Variants in RPRD1B observed in about 807,000 individuals in gnomAD.
RPRD1B encodes the protein regulation of nuclear pre-mRNA domain-containing protein 1B.
In RPRD1B, 11 loss-of-function variants were observed where a neutral mutation model predicts 41.5. The observed-to-expected ratio is 0.27, with a 90% CI of 0.17 to 0.44. RPRD1B has a LOEUF of 0.44. Ranked by LOEUF, RPRD1B falls within the 20% of genes least tolerant of loss-of-function variation. The pLI, the probability that RPRD1B is intolerant of heterozygous loss-of-function variation, is 1.00. For missense variants in RPRD1B, 248 were observed against 389.9 expected, an observed-to-expected ratio of 0.64 and a Z score of 3.06; for synonymous variants, 158 against 155.6, an observed-to-expected ratio of 1.02 and a Z score of -0.12.
chr20:38,074,238 G>A (rs1266220142), intron 6 of RPRD1B, among the ~76,000 whole-genome samples: 2 of 152,096 alleles, frequency 1.3e-5, no homozygotes, highest in Admixed American at 1.3e-4. Context: ...GTGGGCTTCT[G>A]TGAGTGATTT....
At position 38,034,026 on chromosome 20, in the gene RPRD1B, TC is replaced by T; in HGVS notation, c.82del (p.Leu28PhefsTer35). On this transcript the variant is annotated frameshift_variant, in exon 1 of 7. Coordinates refer to ENST00000373433, the MANE Select transcript of RPRD1B (RefSeq NM_021215.4). LOFTEE classifies it high-confidence loss of function. ...SNSQQSVQTL[S>X]LWLIHHRKHA... ...CTCTCAGCAGAGCGTGCAGACCCTGTCCCTTTGGCTCATCCACCACCGCAAG... is the reference window on the plus strand; with the variant it reads ...CTCTCAGCAGAGCGTGCAGACCCTGTCCTTTGGCTCATCCACCACCGCAAG... 6.2e-7 allele frequency: 1 copy of T among 1,614,144 alleles called. No individual in the cohort carries two copies. The highest frequency in any genetic ancestry group is 8.5e-7 in the Non-Finnish European group (1 of 1,179,990).
Position 38,090,136 on chromosome 20 carries a change from C to G in RPRD1B, c.*261C>G. The G allele has an allele frequency of 8.5e-7, 1 of 1,180,092 alleles. No individual in the cohort carries two copies. 73.1% of individuals were successfully genotyped at this position (1,180,092 alleles called of 1,614,324 possible). The stretch of plus-strand genomic sequence containing the variant: ...CTCCCACTTCATATTTTCATGCCCC[C>G]CTGTTGGTTTTCCATTCTTAACTGT... On this transcript the variant is annotated 3_prime_UTR_variant, in exon 7 of 7. Coordinates refer to ENST00000373433, the MANE Select transcript of RPRD1B (RefSeq NM_021215.4).
chr20:38,057,730 C>G, intron 4 of RPRD1B, 86 bp downstream of exon 4: 5 of 942,292 alleles, frequency 5.3e-6, no homozygotes, highest in Non-Finnish European at 5.1e-6. Context: ...GCGCCAGTGA[C>G]CACTGGTATG....
At chr20:38,039,638 A>G (rs1218874559) in intron 1 of RPRD1B, among the ~76,000 whole-genome samples, 3 of 152,080 alleles carry the variant, frequency 2.0e-5, no homozygotes, top group African/African-American at 7.2e-5. Flanking sequence ...TCCCGACCTC[A>G]GGTGATCCGT....
chr20:38,039,320 G>C (rs1375850169), intron 1 of RPRD1B, among the ~76,000 whole-genome samples: 1 of 152,100 alleles, frequency 6.6e-6, no homozygotes, highest in African/African-American at 2.4e-5. Flanking sequence ...ATATCTATTG[G>C]TGCACCTAGA....
At chr20:38,040,316 GA>G in intron 1 of RPRD1B, 118 bp from the exon 2 acceptor site, 1 of 626,452 alleles carries the variant, frequency 1.6e-6, no homozygotes. Context: ...ATATCTACTT[GA>G]CCCCCCAGGT....
intron 6 of RPRD1B, among the ~76,000 whole-genome samples, chr20:38,072,448 G>A (rs997200866): frequency 6.6e-6 from 1 of 152,150 alleles, no homozygotes; most frequent in Admixed American, 6.5e-5. Context: ...AAATCAGTAA[G>A]TATGAGTCCT....
chr20:38,059,595 T>TA, intron 5 of RPRD1B, 75 bp downstream of exon 5: 1 of 1,445,434 alleles, frequency 6.9e-7, no homozygotes, highest in South Asian at 1.3e-5. Context: ...AGGCCATACT[T>TA]AACGTCTGCA....
intron 6 of RPRD1B, among the ~76,000 whole-genome samples, chr20:38,083,257 T>A (rs2122767657): frequency 6.6e-6 from 1 of 152,260 alleles, no homozygotes; most frequent in East Asian, 1.9e-4. Context: ...TTGGTTTTAC[T>A]GGTTTTATGT....
intron 5 of RPRD1B, among the ~76,000 whole-genome samples, chr20:38,063,640 T>C (rs1362774214): frequency 6.6e-6 from 1 of 152,048 alleles, no homozygotes; most frequent in East Asian, 1.9e-4. Context: ...GTGGTTTTCT[T>C]AGGAGGGAGA....
intron 1 of RPRD1B, among the ~76,000 whole-genome samples, chr20:38,040,110 A>G (rs1042306601): frequency 2.0e-5 from 3 of 152,242 alleles, no homozygotes; most frequent in African/African-American, 7.2e-5. Flanking sequence ...TAGAATAAAT[A>G]AAAGCCCTAG....
At chr20:38,082,465 C>T (rs1272204578) in intron 6 of RPRD1B, among the ~76,000 whole-genome samples, 1 of 152,296 alleles carries the variant, frequency 6.6e-6, no homozygotes, top group Middle Eastern at 3.4e-3. Flanking sequence ...CGGCTCAGTG[C>T]AAGCCCCGCC....
chr20:38,067,610 A>G (rs578087312), intron 6 of RPRD1B, among the ~76,000 whole-genome samples: 1 of 152,306 alleles, frequency 6.6e-6, no homozygotes, highest in Admixed American at 6.5e-5. Context: ...TGATTCTGGG[A>G]ACTGTGTTGC....
At position 38,047,996 on chromosome 20, in the gene RPRD1B, G is replaced by T. The variant is rs576136609; in HGVS notation, c.282-352G>T. Among the ~76,000 whole-genome samples, 12 of 152,250 alleles carry T rather than the reference G, an allele frequency of 7.9e-5. 1 individual carries two copies. In the South Asian group the frequency reaches 2.5e-3, roughly 32 times the overall value. The stretch of plus-strand genomic sequence containing the variant: ...TCATTTTTCTATCTTTAAGAGTTCT[G>T]ATCCACTTTTAATTTCCAGCAGAAT... On this transcript the variant is annotated intron_variant, in intron 2 of 6. Coordinates refer to ENST00000373433, the MANE Select transcript of RPRD1B (RefSeq NM_021215.4).
At chr20:38,070,106 T>G (rs181005931) in intron 6 of RPRD1B, 1 of 708,252 alleles carries the variant, frequency 1.4e-6, no homozygotes, top group Admixed American at 6.3e-5. Context: ...TAACCATTTT[T>G]AGAAGTTTCT....
chr20:38,062,608 G>A (rs1465850298), intron 5 of RPRD1B, among the ~76,000 whole-genome samples: 8 of 151,936 alleles, frequency 5.3e-5, no homozygotes, highest in South Asian at 2.1e-4. Context: ...TCCTGTCACC[G>A]CCTCTACCAC....
At chr20:38,079,380 G>A (rs1028310679) in intron 6 of RPRD1B, among the ~76,000 whole-genome samples, 4 of 151,984 alleles carry the variant, frequency 2.6e-5, no homozygotes, top group African/African-American at 9.7e-5. Flanking sequence ...CATTGTACCT[G>A]ATAGGTAGTT....
chr20:38,088,925 A>G (rs550255559), intron 6 of RPRD1B, among the ~76,000 whole-genome samples: 81 of 152,294 alleles, frequency 5.3e-4, no homozygotes, highest in African/African-American at 1.7e-3. Flanking sequence ...TGCTAGGGCT[A>G]GGAGAAGAGA....
At chr20:38,061,142 A>C (rs772924723) in intron 5 of RPRD1B, among the ~76,000 whole-genome samples, 6 of 152,238 alleles carry the variant, frequency 3.9e-5, no homozygotes, top group Non-Finnish European at 2.9e-5. Context: ...GGTAAAATAC[A>C]TATAAAATGG....
Sources: allele counts gnomAD v4.1 joint callset (sites outside exome capture counted in the v4.1 genomes callset), GRCh38; gene constraint gnomAD v4.1.1; transcripts MANE v1.5; gene names NCBI Gene and HGNC (gene_info 2026-07-23, HGNC 2026-07-21).